CHN1: variants seen among roughly 807,000 people sequenced by gnomAD.
CHN1 encodes the protein chimerin 1.
In CHN1, 37 loss-of-function variants were observed where a neutral mutation model predicts 59.5. The ratio of observed to expected loss-of-function variants is 0.62; its 90% CI spans 0.48 to 0.82. The LOEUF is 0.82. Among genes scored for constraint, CHN1 ranks in the 40% least tolerant of loss-of-function variants. The pLI is 0.00. For synonymous variants in CHN1, 206 were observed against 200.4 expected (o/e 1.03, Z -0.24); for missense variants, 469 against 571.0 (o/e 0.82, Z 1.82).
chr2:174,901,205 A>G lies in CHN1; in HGVS notation c.260+13853T>C, dbSNP rs115831694. On this transcript the variant is annotated intron_variant, in intron 5 of 12. Transcript: ENST00000409900. ...AAAATTCTTAACCGGGCCTACAAGA[A>G]GCAGATGTGCAGCCTCACTTCTTCC... is the stretch of plus-strand genomic sequence containing the variant. Among the ~76,000 whole-genome samples, 671 of 152,300 alleles carry G rather than the reference A, an allele frequency of 4.4e-3. 6 individuals carry two copies. The highest frequency in any genetic ancestry group is 0.015 in the African/African-American group (632 of 41,554).
intron 3 of CHN1, among the ~76,000 whole-genome samples, chr2:174,940,578 T>C (rs1689628878): frequency 6.6e-6 from 1 of 152,022 alleles, no homozygotes; most frequent in African/African-American, 2.4e-5. Context: ...CCAGGGCAGA[T>C]GTCTTATGGA....
intron 5 of CHN1, among the ~76,000 whole-genome samples, chr2:174,902,621 T>C (rs927763543): frequency 3.9e-5 from 6 of 152,132 alleles, no homozygotes; most frequent in Non-Finnish European, 8.8e-5. Flanking sequence ...TTATTCCAAA[T>C]AGCACAACAA....
intron 11 of CHN1, among the ~76,000 whole-genome samples, chr2:174,803,171 C>T (rs1684782145): frequency 6.6e-6 from 1 of 152,144 alleles, no homozygotes; most frequent in East Asian, 1.9e-4. Context: ...ATAAAAAATC[C>T]TAGTGTTTCT....
At chr2:174,852,049 G>A (rs1686747278) in intron 6 of CHN1, among the ~76,000 whole-genome samples, 4 of 152,164 alleles carry the variant, frequency 2.6e-5, no homozygotes, top group Admixed American at 2.6e-4. Context: ...GGCTGAGGTG[G>A]GAGGATCACT....
chr2:174,912,613 C>T (rs1218016588), intron 5 of CHN1, among the ~76,000 whole-genome samples: 1 of 152,128 alleles, frequency 6.6e-6, no homozygotes, highest in African/African-American at 2.4e-5. Context: ...TAATGGATTA[C>T]GTGTATGTTA....
chr2:174,889,018 C>G (rs1038564996), intron 5 of CHN1, among the ~76,000 whole-genome samples: 1 of 152,134 alleles, frequency 6.6e-6, no homozygotes, highest in Non-Finnish European at 1.5e-5. Flanking sequence ...TCACTTGATT[C>G]AGGGGAGAGT....
intron 1 of CHN1, among the ~76,000 whole-genome samples, chr2:174,956,602 T>C (rs1005043377): frequency 6.6e-6 from 1 of 151,378 alleles, no homozygotes; most frequent in African/African-American, 2.4e-5. Flanking sequence ...TGAAACCCCA[T>C]CTCTACTAAA....
At chr2:174,980,535 G>C (rs1691113435) in intron 1 of CHN1, among the ~76,000 whole-genome samples, 1 of 151,688 alleles carries the variant, frequency 6.6e-6, no homozygotes, top group Non-Finnish European at 1.5e-5. Flanking sequence ...ATGCATTATT[G>C]GTTAAAAACA....
intron 4 of CHN1, among the ~76,000 whole-genome samples, chr2:174,915,479 C>T (rs940368616): frequency 4.6e-5 from 7 of 150,612 alleles, no homozygotes; most frequent in African/African-American, 1.2e-4. Flanking sequence ...TCCTTTCTTA[C>T]GTATCCATTT....
At position 174,824,446 on chromosome 2, in the gene CHN1, C is replaced by G. The variant is rs948607977; in HGVS notation, c.700G>C (p.Val234Leu). ...NFMWGLIAQG[V>L]KCADCGLNVH... is the part of the protein sequence containing the mutation. ...CAAGAGCTCTTACCTGCACATTTCA[C>G]TCCCTGAGCAATGAGACCCCACATA... is the stretch of plus-strand genomic sequence containing the variant. The change falls in exon 8 of 13, where the codon GTG (valine) becomes CTG (leucine). Residue 234 changes from valine to leucine, a missense_variant. Coordinates refer to ENST00000409900, the MANE Select transcript of CHN1 (RefSeq NM_001822.7). 1.1e-5 allele frequency: 17 copies of G among 1,605,430 alleles called. No individual in the cohort carries two copies. Among genetic ancestry groups the G allele is most frequent in the Non-Finnish European group, 1.4e-5 (16 of 1,176,068 alleles).
At chr2:174,806,976 A>AT (rs1558930970) in intron 11 of CHN1, among the ~76,000 whole-genome samples, 1 of 152,234 alleles carries the variant, frequency 6.6e-6, no homozygotes, top group East Asian at 1.9e-4. Flanking sequence ...AACTGAAATT[A>AT]TAAGGAGAAA....
chr2:174,933,805 G>C (rs1367288084), intron 3 of CHN1, among the ~76,000 whole-genome samples: 1 of 152,212 alleles, frequency 6.6e-6, no homozygotes, highest in African/African-American at 2.4e-5. Context: ...AGATAGAGAG[G>C]AAGTGAGGTT....
At chr2:174,846,069 G>A (rs1353855982) in intron 7 of CHN1, among the ~76,000 whole-genome samples, 1 of 152,156 alleles carries the variant, frequency 6.6e-6, no homozygotes, top group Non-Finnish European at 1.5e-5. Flanking sequence ...CTATTGGGAA[G>A]TTACTATAGA....
At chr2:174,843,706 A>C (rs1203701963) in intron 7 of CHN1, among the ~76,000 whole-genome samples, 1 of 152,108 alleles carries the variant, frequency 6.6e-6, no homozygotes, top group Non-Finnish European at 1.5e-5. Context: ...TCAGAAAAAA[A>C]AAAAAACCCA....
intron 3 of CHN1, among the ~76,000 whole-genome samples, chr2:174,921,679 A>G (rs567293687): frequency 1.3e-5 from 2 of 152,230 alleles, no homozygotes; most frequent in Admixed American, 1.3e-4. Context: ...GGAAACTTAC[A>G]ATTATGGCAG....
At chr2:174,972,531 TA>T (rs748227812) in intron 1 of CHN1, among the ~76,000 whole-genome samples, 1 of 152,192 alleles carries the variant, frequency 6.6e-6, no homozygotes, top group Non-Finnish European at 1.5e-5. Flanking sequence ...TGGGGATGAT[TA>T]ATAAATGAGT....
intron 8 of CHN1, among the ~76,000 whole-genome samples, chr2:174,817,616 T>C (rs1005039494): frequency 2.7e-5 from 4 of 150,658 alleles, no homozygotes; most frequent in Admixed American, 6.6e-5. Flanking sequence ...CACGCGTCGC[T>C]ACGCCCAGCT....
chr2:174,899,487 C>T (rs1170544795), intron 5 of CHN1, among the ~76,000 whole-genome samples: 5 of 152,142 alleles, frequency 3.3e-5, no homozygotes, highest in African/African-American at 9.7e-5. Flanking sequence ...AAATCTAGGC[C>T]ACTGCCTATT....
intron 1 of CHN1, among the ~76,000 whole-genome samples, chr2:174,966,544 A>G (rs1690597746): frequency 6.6e-6 from 1 of 152,238 alleles, no homozygotes; most frequent in Non-Finnish European, 1.5e-5. Context: ...CTTTAATAAA[A>G]GACCTAAGCA....
Sources: allele counts gnomAD v4.1 joint callset (sites outside exome capture counted in the v4.1 genomes callset), GRCh38; gene constraint gnomAD v4.1.1; transcripts MANE v1.5; gene names NCBI Gene and HGNC (gene_info 2026-07-23, HGNC 2026-07-21).